The following CCDC122 variants were observed in gnomAD, a reference collection of about 807,000 sequenced individuals.
The protein encoded by CCDC122 is coiled-coil domain containing 122, also known as coiled-coil domain-containing protein 122.
A neutral mutation model predicts 37.0 loss-of-function variants in CCDC122; 38 were observed. That is an observed-to-expected ratio of 1.03 (90% CI 0.79 to 1.35). The LOEUF is 1.35. Ranked by LOEUF, CCDC122 falls within the 40% of genes most tolerant of loss-of-function variation. CCDC122 has a pLI of 0.00. For missense variants in CCDC122, 305 were observed against 310.0 expected, an observed-to-expected ratio of 0.98 and a Z score of 0.12; for synonymous variants, 83 against 95.6, an observed-to-expected ratio of 0.87 and a Z score of 0.77.
chr13:43,842,790 T>C (rs1383376234), intron 6 of CCDC122, among the ~76,000 whole-genome samples: 2 of 152,096 alleles, frequency 1.3e-5, no homozygotes, highest in Non-Finnish European at 2.9e-5. Context: ...AAAGTTTTGT[T>C]TTATTCATTT....
chr13:43,857,449 AGTGTGTGTGTGT>A (rs60383575), intron 6 of CCDC122, among the ~76,000 whole-genome samples: 7,479 of 149,662 alleles, frequency 0.05, 371 homozygotes, highest in African/African-American at 0.12. Context: ...AATACTTAGA[AGTGTGTGTGTGT>A]GTGTGTGTGT....
At chr13:43,835,548 TA>T (rs1953141357), downstream of CCDC122, among the ~76,000 whole-genome samples, 2 of 152,212 alleles carry the variant, frequency 1.3e-5, no homozygotes, top group Non-Finnish European at 1.5e-5. Flanking sequence ...GTATTAAGGA[TA>T]TTTTAGAAAA....
chr13:43,824,833 C>G (rs1193594894), intron 3 of CCDC122, among the ~76,000 whole-genome samples: 1 of 152,170 alleles, frequency 6.6e-6, no homozygotes, highest in Admixed American at 6.5e-5. Flanking sequence ...AAATGCAAAT[C>G]AAACCCACAA....
intron 4 of CCDC122, 132 bp downstream of exon 4, chr13:43,868,562 T>C: frequency 2.0e-6 from 1 of 492,384 alleles, no homozygotes; most frequent in Non-Finnish European, 3.5e-6. Flanking sequence ...TAAACCTTAC[T>C]TAGGGAGAAC....
chr13:43,828,528 C>G lies in CCDC122; in HGVS notation n.602-4517G>C, dbSNP rs558692586. On this transcript the variant is annotated intron_variant and non_coding_transcript_variant, in intron 3 of 3. Transcript: ENST00000470137. ...GCTTCTGTTACAGGATGTTTTACAT[C>G]ATATTTGAGCCTATTTTATAGACAG... Among the ~76,000 whole-genome samples, 442 of 148,706 alleles carry G rather than the reference C, an allele frequency of 3.0e-3. 3 individuals carry two copies. The highest frequency in any genetic ancestry group is 0.01 in the African/African-American group (408 of 40,256).
intron 6 of CCDC122, chr13:43,848,858 A>G: frequency 3.1e-6 from 3 of 972,488 alleles, no homozygotes; most frequent in Non-Finnish European, 3.7e-6. Context: ...AACTGTAACA[A>G]GGCCATGGCT....
rs777167536 is a variant in CCDC122 at position 43,868,778 on chromosome 13, A to G, written c.72T>C (p.Ala24=). ...KEDNQDTSSL[A]DAVEKVAKQQ... ...GCTTTGCAACTTTCTCTACAGCATC[A>G]GCTAATGAACTTGTGTCTTGGTTAT... The change falls in exon 4 of 7, where the codon GCT becomes GCC. Residue 24 remains alanine (A), a synonymous_variant. Coordinates refer to ENST00000444614, the MANE Select transcript of CCDC122 (RefSeq NM_144974.5). The G allele has an allele frequency of 6.5e-6, 10 of 1,544,014 alleles. No individual in the cohort carries two copies. The highest frequency in any genetic ancestry group is 8.7e-6 in the Non-Finnish European group (10 of 1,147,154).
chr13:43,836,803 C>T lies in CCDC122; in HGVS notation c.*477G>A, dbSNP rs898790666. On this transcript the variant is annotated 3_prime_UTR_variant, in exon 7 of 7. Coordinates refer to ENST00000444614, the MANE Select transcript of CCDC122 (RefSeq NM_144974.5). ...AAGCGGAGCTTGCAGTGAGCCGAGA[C>T]TGCGCCACTGCAGTCCGCAGTCCGG... 2 of 139,886 alleles carry T rather than the reference C, an allele frequency of 1.4e-5. No individual in the cohort carries two copies. The highest frequency in any genetic ancestry group is 4.3e-4 in the East Asian group (2 of 4,636). The allele number at this position is 139,886 out of a possible 1,614,324, so 8.7% of individuals were successfully genotyped here. A position where few individuals can be genotyped will look rare whatever the true frequency, so the allele number is the denominator to read the frequency against.
intron 6 of CCDC122, among the ~76,000 whole-genome samples, chr13:43,845,847 TTTGG>T (rs975572659): frequency 6.6e-6 from 1 of 152,208 alleles, no homozygotes; most frequent in Non-Finnish European, 1.5e-5. Flanking sequence ...AAGATTTCCA[TTTGG>T]TTGGTTTATG....
intron 6 of CCDC122, among the ~76,000 whole-genome samples, chr13:43,847,149 A>G (rs1223365606): frequency 2.6e-5 from 4 of 152,234 alleles, no homozygotes; most frequent in Admixed American, 6.5e-5. Flanking sequence ...AGCAGTTAAA[A>G]ATAATTACGT....
chr13:43,821,722 T>G (rs185576224), downstream of CCDC122, among the ~76,000 whole-genome samples: 415 of 152,350 alleles, frequency 2.7e-3, 1 homozygote, highest in African/African-American at 9.4e-3. Context: ...AAATACCTCA[T>G]CTTCAAGCTC....
intron 4 of CCDC122, among the ~76,000 whole-genome samples, chr13:43,864,266 T>A (rs191676020): frequency 2.0e-5 from 3 of 152,212 alleles, no homozygotes; most frequent in Non-Finnish European, 4.4e-5. Context: ...GGTAGTGTGG[T>A]AACATGGAAA....
downstream of CCDC122, among the ~76,000 whole-genome samples, chr13:43,821,796 A>G (rs117376189): frequency 2.2e-3 from 332 of 152,254 alleles, 6 homozygotes; most frequent in East Asian, 0.057. Flanking sequence ...TCAGTGTGTC[A>G]CTTGCATTTT....
At chr13:43,854,592 T>C (rs562610383) in intron 6 of CCDC122, 2 of 152,224 alleles carry the variant, frequency 1.3e-5, no homozygotes, top group East Asian at 3.9e-4. Flanking sequence ...TTCCAAAAAA[T>C]TGAGGAGGAT....
At chr13:43,848,736 G>T in intron 6 of CCDC122, 1 of 566,934 alleles carries the variant, frequency 1.8e-6, no homozygotes, top group Non-Finnish European at 2.2e-6. Flanking sequence ...TTATTTTTAT[G>T]AACCAAAAAA....
intron 3 of CCDC122, among the ~76,000 whole-genome samples, chr13:43,828,650 AT>A (rs113325319): frequency 5.3e-5 from 8 of 152,106 alleles, no homozygotes; most frequent in African/African-American, 1.9e-4. Context: ...GAATTACATC[AT>A]ATTTATTCTT....
downstream of CCDC122, among the ~76,000 whole-genome samples, chr13:43,831,417 C>T (rs1469363020): frequency 2.0e-5 from 3 of 152,082 alleles, no homozygotes; most frequent in Non-Finnish European, 4.4e-5. Flanking sequence ...CACAAAGAAG[C>T]ACCATGGATT....
downstream of CCDC122, among the ~76,000 whole-genome samples, chr13:43,831,555 C>T (rs907989572): frequency 1.3e-5 from 2 of 152,080 alleles, no homozygotes; most frequent in Non-Finnish European, 2.9e-5. Flanking sequence ...GATAATGTGT[C>T]TTGGCTTATT....
intron 6 of CCDC122, chr13:43,855,267 C>G (rs1953866996): frequency 6.6e-6 from 1 of 151,960 alleles, no homozygotes; most frequent in Non-Finnish European, 1.5e-5. Flanking sequence ...TGATAAACAA[C>G]TTCAGCAAAG....
Sources: allele counts gnomAD v4.1 joint callset (sites outside exome capture counted in the v4.1 genomes callset), GRCh38; gene constraint gnomAD v4.1.1; transcripts MANE v1.5; gene names NCBI Gene and HGNC (gene_info 2026-07-23, HGNC 2026-07-21).